The following DNER variants were observed in gnomAD, a reference collection of about 807,000 sequenced individuals.
DNER encodes delta/notch like EGF repeat containing.
Under a neutral mutation model 78.2 loss-of-function variants are expected in DNER, and 33 were observed. The observed-to-expected ratio is 0.42, with a 90% CI of 0.32 to 0.56. The LOEUF (loss-of-function observed/expected upper bound fraction) is 0.56, where lower values mean the gene tolerates loss of function less well. Among genes scored for constraint, DNER ranks in the 20% least tolerant of loss-of-function variants. The probability of loss-of-function intolerance (pLI) is 0.11; values close to 1 mark genes in which losing one functional copy is unlikely to be tolerated. For missense variants in DNER, 918 were observed against 975.3 expected (o/e 0.94, Z 0.78); for synonymous variants, 417 against 384.8 (o/e 1.08, Z -0.98).
intron 6 of DNER, among the ~76,000 whole-genome samples, chr2:229,501,637 A>C (rs1695626579): frequency 6.6e-6 from 1 of 152,120 alleles, no homozygotes; most frequent in Non-Finnish European, 1.5e-5. Flanking sequence ...CTCTGGTGAC[A>C]ACAACACAGT....
intron 4 of DNER, among the ~76,000 whole-genome samples, chr2:229,564,250 C>T (rs759454744): frequency 6.7e-6 from 1 of 148,376 alleles, no homozygotes; most frequent in Non-Finnish European, 1.5e-5. Context: ...AACATCATGA[C>T]AGCATCACCA....
intron 3 of DNER, chr2:229,587,114 A>C (rs2154214499): frequency 2.2e-6 from 1 of 455,336 alleles, no homozygotes; most frequent in African/African-American, 2.1e-5. Context: ...ATAGAAGACC[A>C]GAAAATTTGG....
intron 1 of DNER, among the ~76,000 whole-genome samples, chr2:229,635,685 T>C (rs1459817487): frequency 1.5e-4 from 23 of 152,214 alleles, no homozygotes; most frequent in Admixed American, 1.2e-3. Context: ...CTGATAGTGA[T>C]CATTTTACTT....
At chr2:229,615,347 G>A (rs1233899042) in intron 1 of DNER, among the ~76,000 whole-genome samples, 3 of 150,510 alleles carry the variant, frequency 2.0e-5, no homozygotes, top group African/African-American at 7.4e-5. Flanking sequence ...GGAGGCTGAG[G>A]TTGTGGTGAG....
intron 7 of DNER, among the ~76,000 whole-genome samples, chr2:229,456,073 T>A (rs1694565000): frequency 6.6e-6 from 1 of 152,008 alleles, no homozygotes; most frequent in Admixed American, 6.5e-5. Context: ...GGGTAATTTA[T>A]AAAGAAAAGA....
At chr2:229,405,376 T>C (rs1693357872) in intron 10 of DNER, among the ~76,000 whole-genome samples, 1 of 152,204 alleles carries the variant, frequency 6.6e-6, no homozygotes, top group Non-Finnish European at 1.5e-5. Flanking sequence ...TGTATTCTCC[T>C]GTACCCTGGG....
chr2:229,695,827 G>A (rs1321454284), intron 1 of DNER, among the ~76,000 whole-genome samples: 1 of 152,160 alleles, frequency 6.6e-6, no homozygotes, highest in African/African-American at 2.4e-5. Flanking sequence ...GTAAGCTGAG[G>A]GTCATGCTGA....
At position 229,404,391 on chromosome 2, in the gene DNER, C is replaced by T. The variant is rs1693336263; in HGVS notation, c.1723+2841G>A. Among the ~76,000 whole-genome samples, 3 of 150,528 alleles carry T rather than the reference C, an allele frequency of 2.0e-5. No homozygotes were observed. In the South Asian group the frequency reaches 6.3e-4, roughly 32 times the overall value. On this transcript the variant is annotated intron_variant, in intron 10 of 12. Transcript: ENST00000341772. ...GAATGAGAGCCAGCAGGGGAAATGC[C>T]AGCTACTTATAAAACCATCAGATCT...
chr2:229,573,137 A>G (rs1697244387), intron 4 of DNER, among the ~76,000 whole-genome samples: 1 of 152,162 alleles, frequency 6.6e-6, no homozygotes, highest in Non-Finnish European at 1.5e-5. Flanking sequence ...GCCAAACAGC[A>G]TTTGTCATGT....
intron 1 of DNER, among the ~76,000 whole-genome samples, chr2:229,593,287 C>CA (rs1697642535): frequency 6.6e-6 from 1 of 152,214 alleles, no homozygotes; most frequent in African/African-American, 2.4e-5. Context: ...CTACTGTCCT[C>CA]ACCCTGTCTC....
intron 1 of DNER, among the ~76,000 whole-genome samples, chr2:229,611,980 C>G (rs1426381567): frequency 1.3e-5 from 2 of 152,100 alleles, no homozygotes; most frequent in Admixed American, 1.3e-4. Context: ...TTTTGTTATC[C>G]TATTGTTCCT....
intron 10 of DNER, among the ~76,000 whole-genome samples, chr2:229,395,054 G>A (rs573122832): frequency 6.6e-6 from 1 of 152,110 alleles, no homozygotes; most frequent in African/African-American, 2.4e-5. Context: ...TTATGGAACC[G>A]TAAGAGTTAT....
At chr2:229,510,416 G>T (rs774572271) in intron 6 of DNER, among the ~76,000 whole-genome samples, 39 of 152,338 alleles carry the variant, frequency 2.6e-4, no homozygotes, top group South Asian at 4.1e-4. Flanking sequence ...GTGCAGCAGG[G>T]TCAAGAATTG....
At chr2:229,617,897 A>C (rs1181104382) in intron 1 of DNER, among the ~76,000 whole-genome samples, 1 of 152,216 alleles carries the variant, frequency 6.6e-6, no homozygotes, top group Non-Finnish European at 1.5e-5. Flanking sequence ...AACTGCAGTG[A>C]GCCAACATCA....
chr2:229,705,037 A>T (rs553654168), intron 1 of DNER, among the ~76,000 whole-genome samples: 1 of 152,362 alleles, frequency 6.6e-6, no homozygotes, highest in African/African-American at 2.4e-5. Flanking sequence ...TAGTGCAGAA[A>T]TCTGACTTCA....
intron 12 of DNER, 110 bp from the exon 13 acceptor site, chr2:229,358,761 CA>C (rs201179230): frequency 0.018 from 15,333 of 860,240 alleles, 186 homozygotes; most frequent in Middle Eastern, 0.032. Flanking sequence ...ACTGTAAAAA[CA>C]TATTCTATAG....
intron 1 of DNER, among the ~76,000 whole-genome samples, chr2:229,676,184 T>A (rs36074934): frequency 0.25 from 37,809 of 152,094 alleles, 4,937 homozygotes; most frequent in East Asian, 0.36. Flanking sequence ...GGCATATGCC[T>A]TACAAGAGGA....
chr2:229,697,532 T>C (rs1013167202), intron 1 of DNER, among the ~76,000 whole-genome samples: 1 of 152,226 alleles, frequency 6.6e-6, no homozygotes. Context: ...TCCACAGATA[T>C]ACCTGGGATG....
chr2:229,487,789 G>C (rs1695308429), intron 6 of DNER, among the ~76,000 whole-genome samples: 1 of 152,206 alleles, frequency 6.6e-6, no homozygotes, highest in African/African-American at 2.4e-5. Context: ...TTAGGCTCCA[G>C]ATGAGGAGGT....
Sources: gnomAD v4.1 joint callset for allele counts (sites outside exome capture counted in the v4.1 genomes callset) on GRCh38, gnomAD v4.1.1 for gene constraint, MANE v1.5 for transcripts, NCBI Gene and HGNC (gene_info 2026-07-23, HGNC 2026-07-21) for gene names.